The following CTNND2 variants were observed in gnomAD, a reference collection of about 807,000 sequenced individuals.
The protein encoded by CTNND2 is catenin delta 2.
A neutral mutation model predicts 144.4 loss-of-function variants in CTNND2; 22 were observed. That is an observed-to-expected ratio of 0.15 (90% CI 0.11 to 0.22). CTNND2 has a LOEUF of 0.22. Ranked by LOEUF, CTNND2 falls within the 10% of genes least tolerant of loss-of-function variation. The pLI is 1.00. For synonymous variants in CTNND2, 751 were observed against 695.6 expected, an observed-to-expected ratio of 1.08 and a Z score of -1.25; for missense variants, 1,353 against 1,618.8, an observed-to-expected ratio of 0.84 and a Z score of 2.82.
At chr5:11,285,650 T>C (rs1580797597) in intron 9 of CTNND2, among the ~76,000 whole-genome samples, 1 of 152,248 alleles carries the variant, frequency 6.6e-6, no homozygotes, top group Non-Finnish European at 1.5e-5. Context: ...TGCAGTAGAA[T>C]GAAACGAAAG....
chr5:11,723,714 A>T (rs1043627474), intron 2 of CTNND2, among the ~76,000 whole-genome samples: 1 of 152,216 alleles, frequency 6.6e-6, no homozygotes. Context: ...AGGAGGGGAG[A>T]CAAGGCCACA....
chr5:11,436,585 T>C (rs1375500454), intron 3 of CTNND2, among the ~76,000 whole-genome samples: 1 of 152,240 alleles, frequency 6.6e-6, no homozygotes, highest in African/African-American at 2.4e-5. Context: ...TTCCCAAAGA[T>C]GTTCCTTACT....
intron 7 of CTNND2, among the ~76,000 whole-genome samples, chr5:11,382,636 T>C (rs1758630148): frequency 1.3e-5 from 2 of 149,920 alleles, no homozygotes; most frequent in Admixed American, 1.3e-4. Context: ...TGTGTGTGTG[T>C]GTGTGTGTGT....
intron 1 of CTNND2, among the ~76,000 whole-genome samples, chr5:11,860,797 C>T (rs1169822707): frequency 1.3e-5 from 2 of 152,162 alleles, no homozygotes; most frequent in African/African-American, 4.8e-5. Flanking sequence ...ATCTCCGTTA[C>T]TCCAGGGTCT....
chr5:11,800,613 G>A (rs189074844), intron 1 of CTNND2, among the ~76,000 whole-genome samples: 16 of 152,156 alleles, frequency 1.1e-4, no homozygotes, highest in East Asian at 1.9e-4. Flanking sequence ...ATACCCTTCC[G>A]TCCATTAGAG....
chr5:11,218,750 A>T (rs532954512), intron 10 of CTNND2, among the ~76,000 whole-genome samples: 246 of 152,334 alleles, frequency 1.6e-3, no homozygotes, highest in African/African-American at 5.7e-3. Flanking sequence ...CCAATAAGCC[A>T]TCTGTATAGA....
At chr5:11,168,648 A>G (rs1284989255) in intron 11 of CTNND2, among the ~76,000 whole-genome samples, 7 of 152,190 alleles carry the variant, frequency 4.6e-5, no homozygotes, top group African/African-American at 1.7e-4. Flanking sequence ...AAAAGTTATG[A>G]CAGTTAAAGA....
At chr5:11,294,685 A>G (rs962201079) in intron 9 of CTNND2, among the ~76,000 whole-genome samples, 45 of 152,220 alleles carry the variant, frequency 3.0e-4, no homozygotes, top group Non-Finnish European at 5.9e-4. Flanking sequence ...AACATACGCA[A>G]ATCAATAAAC....
At chr5:11,364,130 T>C (rs1756732303) in intron 8 of CTNND2, among the ~76,000 whole-genome samples, 1 of 152,228 alleles carries the variant, frequency 6.6e-6, no homozygotes, top group African/African-American at 2.4e-5. Flanking sequence ...TGAAAATATA[T>C]ATTTAATCCA....
chr5:11,158,218 A>G (rs2149765034), intron 12 of CTNND2, among the ~76,000 whole-genome samples: 1 of 152,336 alleles, frequency 6.6e-6, no homozygotes, highest in African/African-American at 2.4e-5. Context: ...CTAGCAAGGG[A>G]AAAACACTTT....
At chr5:11,002,961 G>T (rs138236380) in intron 18 of CTNND2, among the ~76,000 whole-genome samples, 1 of 152,264 alleles carries the variant, frequency 6.6e-6, no homozygotes, top group East Asian at 1.9e-4. Context: ...GATATTAATT[G>T]GAACCCAAAA....
intron 1 of CTNND2, among the ~76,000 whole-genome samples, chr5:11,847,128 TTATATATA>T (rs56978156): frequency 0.051 from 3,663 of 72,196 alleles, 93 homozygotes; most frequent in South Asian, 0.074. Flanking sequence ...GTCAAAGATT[TTATATATA>T]TATATATATA....
chr5:11,009,125 G>C (rs6871769), intron 18 of CTNND2, among the ~76,000 whole-genome samples: 25,990 of 152,178 alleles, frequency 0.17, 2,404 homozygotes, highest in Admixed American at 0.27. Flanking sequence ...GTAGTCTGAG[G>C]CTGATTGAGA....
At chr5:11,442,379 T>A (rs1343488873) in intron 3 of CTNND2, among the ~76,000 whole-genome samples, 1 of 152,168 alleles carries the variant, frequency 6.6e-6, no homozygotes, top group Non-Finnish European at 1.5e-5. Context: ...TGTTGCAGAT[T>A]TTGCTTAGTG....
intron 1 of CTNND2, among the ~76,000 whole-genome samples, chr5:11,827,541 G>T (rs76388569): frequency 6.6e-6 from 1 of 152,228 alleles, no homozygotes; most frequent in East Asian, 1.9e-4. Flanking sequence ...TACATCAGTA[G>T]ACACATCAAG....
intron 3 of CTNND2, among the ~76,000 whole-genome samples, chr5:11,481,762 C>T (rs1315994481): frequency 6.6e-6 from 1 of 151,892 alleles, no homozygotes; most frequent in African/African-American, 2.4e-5. Context: ...TTGTAATAGT[C>T]ATATTTGTGT....
chr5:11,685,421 G>A (rs1454660404), intron 2 of CTNND2, among the ~76,000 whole-genome samples: 2 of 152,116 alleles, frequency 1.3e-5, no homozygotes, highest in African/African-American at 4.8e-5. Context: ...GAGCTTTCTG[G>A]TTATTTGAGT....
chr5:11,167,492 C>A (rs1008904629), intron 11 of CTNND2, among the ~76,000 whole-genome samples: 8 of 152,096 alleles, frequency 5.3e-5, no homozygotes, highest in African/African-American at 1.9e-4. Context: ...TTACCTGGGT[C>A]TCCATGCAAT....
At chr5:11,895,818 A>C (rs980934544) in intron 1 of CTNND2, among the ~76,000 whole-genome samples, 1 of 152,242 alleles carries the variant, frequency 6.6e-6, no homozygotes, top group Non-Finnish European at 1.5e-5. Flanking sequence ...ATTCACAAAA[A>C]AATTAGACGT....
Sources: gnomAD v4.1 joint callset for allele counts (sites outside exome capture counted in the v4.1 genomes callset) on GRCh38, gnomAD v4.1.1 for gene constraint, MANE v1.5 for transcripts, NCBI Gene and HGNC (gene_info 2026-07-23, HGNC 2026-07-21) for gene names.